Variants in CNBD1 observed in about 807,000 individuals in gnomAD.
CNBD1 encodes cyclic nucleotide binding domain containing 1.
A neutral mutation model predicts 54.4 loss-of-function variants in CNBD1; 71 were observed. That is an observed-to-expected ratio of 1.30 (90% confidence interval 1.08 to 1.59). CNBD1 has a LOEUF of 1.59. Among genes scored for constraint, CNBD1 ranks in the 40% most tolerant of loss-of-function variants. CNBD1 has a pLI of 0.00. For missense variants in CNBD1, 659 were observed against 518.0 expected, an observed-to-expected ratio of 1.27 and a Z score of -2.64; for synonymous variants, 182 against 170.7, an observed-to-expected ratio of 1.07 and a Z score of -0.51.
intron 4 of CNBD1, among the ~76,000 whole-genome samples, chr8:86,958,074 A>G (rs1204555773): frequency 6.6e-6 from 1 of 152,152 alleles, no homozygotes; most frequent in Non-Finnish European, 1.5e-5. Context: ...TTCTGCCTTC[A>G]TTTCATTATG....
Position 87,257,419 on chromosome 8 carries a change from T to G in CNBD1, c.771+20307T>G, listed in dbSNP as rs574218327. Among the ~76,000 whole-genome samples the G allele has an allele frequency of 9.4e-5, 14 of 149,010 alleles. No homozygotes were observed. In the South Asian group the frequency reaches 2.8e-3, roughly 30 times the overall value. On this transcript the variant is annotated intron_variant, in intron 6 of 10. Transcript: ENST00000518476. The stretch of plus-strand genomic sequence containing the variant: ...CAATTGAATGAAATTTCTTTATAAA[T>G]GTTTATGTGGCCAATCAGGTAGCCA...
chr8:87,396,319 C>T (rs80133414), intron 2 of CNBD1, among the ~76,000 whole-genome samples: 2,870 of 151,932 alleles, frequency 0.019, 93 homozygotes, highest in African/African-American at 0.063. Context: ...TCCCAAACAC[C>T]TTATCATTTG....
At chr8:87,069,373 G>A (rs894780984) in intron 4 of CNBD1, among the ~76,000 whole-genome samples, 1 of 151,980 alleles carries the variant, frequency 6.6e-6, no homozygotes, top group Non-Finnish European at 1.5e-5. Flanking sequence ...GTCCCATAAG[G>A]TTTTAACACT....
chr8:86,958,418 G>T (rs62529583), intron 4 of CNBD1, among the ~76,000 whole-genome samples: 32 of 152,124 alleles, frequency 2.1e-4, no homozygotes, highest in Non-Finnish European at 4.0e-4. Flanking sequence ...GTTTAATGTT[G>T]ACAGTTGGGT....
chr8:86,990,195 A>C (rs1004674345), intron 4 of CNBD1, among the ~76,000 whole-genome samples: 7 of 152,088 alleles, frequency 4.6e-5, no homozygotes, highest in African/African-American at 1.7e-4. Context: ...CAGAAGCTTT[A>C]TAACTTGACA....
chr8:86,969,402 A>T (rs1291837926), intron 4 of CNBD1, among the ~76,000 whole-genome samples: 1 of 152,148 alleles, frequency 6.6e-6, no homozygotes, highest in Non-Finnish European at 1.5e-5. Flanking sequence ...ACACTCCTTC[A>T]GAACCTTCTT....
chr8:87,424,881 G>C (rs1808017515), intron 2 of CNBD1, among the ~76,000 whole-genome samples: 1 of 152,014 alleles, frequency 6.6e-6, no homozygotes, highest in South Asian at 2.1e-4. Flanking sequence ...TTGCTAGATT[G>C]GGGAAATTCT....
At chr8:87,229,075 C>T (rs1222851856) in intron 5 of CNBD1, among the ~76,000 whole-genome samples, 1 of 152,222 alleles carries the variant, frequency 6.6e-6, no homozygotes, top group East Asian at 1.9e-4. Flanking sequence ...CCTTGTGCTT[C>T]CTCAGTGAGG....
intron 2 of CNBD1, among the ~76,000 whole-genome samples, chr8:87,416,861 T>A (rs527557972): frequency 2.5e-4 from 38 of 152,138 alleles, no homozygotes; most frequent in African/African-American, 8.9e-4. Flanking sequence ...TTTATAAATA[T>A]GGATGTAAAA....
At chr8:87,123,908 A>C (rs538858170) in intron 4 of CNBD1, among the ~76,000 whole-genome samples, 1 of 151,722 alleles carries the variant, frequency 6.6e-6, no homozygotes, top group Non-Finnish European at 1.5e-5. Flanking sequence ...ATTTCTAGAC[A>C]CATGGACCCT....
chr8:87,257,965 A>C (rs142560370), intron 6 of CNBD1, among the ~76,000 whole-genome samples: 80 of 152,302 alleles, frequency 5.3e-4, no homozygotes, highest in African/African-American at 1.9e-3. Context: ...ACATATTAGA[A>C]TTTTAGAAAT....
At chr8:87,130,645 G>A in intron 4 of CNBD1, among the ~76,000 whole-genome samples, 1 of 151,874 alleles carries the variant, frequency 6.6e-6, no homozygotes, top group East Asian at 1.9e-4. Context: ...GGGTATGGTG[G>A]TAGGCACCTG....
At chr8:87,237,833 A>C (rs552703458) in intron 6 of CNBD1, among the ~76,000 whole-genome samples, 1 of 152,278 alleles carries the variant, frequency 6.6e-6, no homozygotes, top group East Asian at 1.9e-4. Flanking sequence ...AAGAGAAATA[A>C]GCATGGATCA....
At position 87,163,877 on chromosome 8, in the gene CNBD1, CT is replaced by C. The variant is rs1166715767; in HGVS notation, c.432-42114del. Among the ~76,000 whole-genome samples, 5 of 151,742 alleles carry C rather than the reference CT, an allele frequency of 3.3e-5. No individual in the cohort carries two copies. Among genetic ancestry groups the C allele is most frequent in the Non-Finnish European group, 7.4e-5 (5 of 67,836 alleles). On this transcript the variant is annotated intron_variant, in intron 4 of 10. Coordinates refer to ENST00000518476, the MANE Select transcript of CNBD1 (RefSeq NM_173538.3). The surrounding 1 kb of genome is among the most constrained non-coding windows in gnomAD (Gnocchi z 4.5). ...TGAGCATCCTTGTATTGTTTTTGAT[CT>C]TAGAGAAAAAGTTTTCCACATTTTA...
chr8:87,172,844 TA>T (rs1813117532), intron 4 of CNBD1, among the ~76,000 whole-genome samples: 1 of 152,124 alleles, frequency 6.6e-6, no homozygotes, highest in South Asian at 2.1e-4. Flanking sequence ...TATGTATTTT[TA>T]TTAGCGTATA....
intron 5 of CNBD1, among the ~76,000 whole-genome samples, chr8:87,223,860 A>T (rs1409799059): frequency 1.3e-5 from 2 of 152,150 alleles, no homozygotes; most frequent in Non-Finnish European, 2.9e-5. Context: ...TCCCACCAAC[A>T]GTGTAAAAGT....
intron 4 of CNBD1, among the ~76,000 whole-genome samples, chr8:87,017,233 T>C (rs1809374460): frequency 6.6e-6 from 1 of 152,206 alleles, no homozygotes; most frequent in African/African-American, 2.4e-5. Flanking sequence ...TTTATGTAAG[T>C]TAGTCATAAC....
At chr8:87,226,768 G>A (rs1477631397) in intron 5 of CNBD1, among the ~76,000 whole-genome samples, 1 of 151,700 alleles carries the variant, frequency 6.6e-6, no homozygotes, top group Non-Finnish European at 1.5e-5. Context: ...GCTTGGTGCA[G>A]AGCTGAGTTC....
Position 87,258,063 on chromosome 8 carries a change from C to T in CNBD1, c.771+20951C>T, listed in dbSNP as rs1260173190. 2.0e-5 allele frequency among the ~76,000 whole-genome samples: 3 copies of T among 152,008 alleles called. No individual in the cohort carries two copies. In the East Asian group the frequency reaches 5.8e-4, roughly 29 times the overall value. On this transcript the variant is annotated intron_variant, in intron 6 of 10. Coordinates refer to ENST00000518476, the MANE Select transcript of CNBD1 (RefSeq NM_173538.3). ...TTATTTTTATGTTGACAATGCTTCC[C>T]ATGTAACTTAACTTGTTAAAGAATT...
Sources: gnomAD v4.1 joint callset for allele counts (sites outside exome capture counted in the v4.1 genomes callset) on GRCh38, gnomAD v4.1.1 for gene constraint, Gnocchi (gnomAD v3.1) non-coding constraint, MANE v1.5 for transcripts, NCBI Gene and HGNC (gene_info 2026-07-23, HGNC 2026-07-21) for gene names.